The following ZNF292 variants were observed in gnomAD, a reference collection of about 807,000 sequenced individuals.
The protein encoded by ZNF292 is zinc finger protein 292, also known as 16 zinc-finger domain protein.
Under a neutral mutation model 217.9 loss-of-function variants are expected in ZNF292, and 26 were observed. The observed-to-expected ratio is 0.12, with a 90% CI of 0.09 to 0.17. The LOEUF (loss-of-function observed/expected upper bound fraction) is 0.17. Ranked by LOEUF, ZNF292 falls within the 10% of genes least tolerant of loss-of-function variation. The pLI is 1.00. For synonymous variants in ZNF292, 1,257 were observed against 1,124.1 expected (o/e 1.12, Z -2.37); for missense variants, 2,904 against 3,175.2 (o/e 0.91, Z 2.05).
chr6:87,241,788 C>G (rs1291138187), intron 5 of ZNF292, among the ~76,000 whole-genome samples: 1 of 152,182 alleles, frequency 6.6e-6, no homozygotes, highest in South Asian at 2.1e-4. Context: ...CTAGCACATT[C>G]ATACAGGTGG....
intron 7 of ZNF292, among the ~76,000 whole-genome samples, chr6:87,247,355 T>G (rs1409109563): frequency 1.3e-5 from 2 of 151,876 alleles, no homozygotes; most frequent in Non-Finnish European, 2.9e-5. Context: ...TACTTTAATT[T>G]TATTGAAAAG....
In ZNF292 at chr6:87,155,609, C is replaced by G. The variant is rs754500506; in HGVS notation, c.18C>G (p.Ala6=). The change falls in exon 1 of 8, where the codon GCC becomes GCG. Residue 6 remains alanine (A), a synonymous_variant. Coordinates refer to ENST00000369577, the MANE Select transcript of ZNF292 (RefSeq NM_015021.3). MADEE[A]EQERLSCGEG... is the part of the protein sequence containing the mutation. ...GTGTGAAGATGGCGGACGAAGAGGCCGAGCAGGAGAGGTTGAGTTGCGGCG... is the reference window on the plus strand; with the variant it reads ...GTGTGAAGATGGCGGACGAAGAGGCGGAGCAGGAGAGGTTGAGTTGCGGCG... 4 of 1,581,564 alleles carry G rather than the reference C, an allele frequency of 2.5e-6. No homozygotes were observed. The highest frequency in any genetic ancestry group is 3.4e-6 in the Non-Finnish European group (4 of 1,164,908).
At chr6:87,181,216 C>T (rs1468814001) in intron 1 of ZNF292, among the ~76,000 whole-genome samples, 4 of 152,092 alleles carry the variant, frequency 2.6e-5, no homozygotes, top group Non-Finnish European at 4.4e-5. Context: ...CCGGATCACA[C>T]GCAGGCTCGA....
intron 1 of ZNF292, among the ~76,000 whole-genome samples, chr6:87,205,271 G>A (rs6914193): frequency 0.63 from 95,761 of 151,840 alleles, 31,778 homozygotes; most frequent in African/African-American, 0.85. Context: ...ATGAGGTCTT[G>A]CTATGTTGCT....
chr6:87,180,988 A>G (rs1243474892), intron 1 of ZNF292, among the ~76,000 whole-genome samples: 1 of 152,160 alleles, frequency 6.6e-6, no homozygotes, highest in Non-Finnish European at 1.5e-5. Context: ...GCATGCAGAC[A>G]GGTAGGTGCA....
At chr6:87,181,577 G>A (rs73751992) in intron 1 of ZNF292, among the ~76,000 whole-genome samples, 12,408 of 152,202 alleles carry the variant, frequency 0.082, 857 homozygotes, top group African/African-American at 0.19. Flanking sequence ...AGACTTGAGT[G>A]TGGGGCATTT....
Position 87,259,660 on chromosome 6 carries a change from A to G in ZNF292, c.6031A>G (p.Met2011Val), listed in dbSNP as rs535741015. 59 of 1,588,902 alleles carry G rather than the reference A, an allele frequency of 3.7e-5. No individual in the cohort carries two copies. Among genetic ancestry groups the G allele is most frequent in the Non-Finnish European group, 5.0e-5 (58 of 1,167,048 alleles). ...TACACAAGTGAAAAAACAGCTAGCT[A>G]TGACAGAGGAAAATAAAAAGGAATC... ...RSTQVKKQLA[M>V]TEENKKESQP... The change falls in exon 8 of 8, where the codon ATG (methionine) becomes GTG (valine). Residue 2011 changes from methionine to valine, a missense_variant. Physicochemically the swap from Met to Val is conservative, Grantham distance 21. Transcript: ENST00000369577.
chr6:87,259,726 C>A lies in ZNF292; in HGVS notation c.6097C>A (p.His2033Asn). ...ATTGAGAGCAGAGACCCAAAATACC[C>A]ACAGTAATGTAGCAGTGATCCCAGA... ...LELRAETQNTHSNVAVIPEKQ... is the reference protein window; with the variant it reads ...LELRAETQNTNSNVAVIPEKQ... Residue 2033 changes from histidine to asparagine, a missense_variant, in exon 8 of 8, where the codon CAC (histidine) becomes AAC (asparagine). Transcript: ENST00000369577. The A allele has an allele frequency of 1.9e-6, 3 of 1,603,574 alleles. No individual in the cohort carries two copies. Among genetic ancestry groups the A allele is most frequent in the Non-Finnish European group, 2.6e-6 (3 of 1,174,890 alleles).
chr6:87,162,187 G>C (rs1770774767), intron 1 of ZNF292, among the ~76,000 whole-genome samples: 1 of 152,148 alleles, frequency 6.6e-6, no homozygotes, highest in African/African-American at 2.4e-5. Context: ...ATTTGAGCTA[G>C]TCTTCATTAC....
At chr6:87,199,306 A>G (rs527553340) in intron 1 of ZNF292, among the ~76,000 whole-genome samples, 3 of 152,324 alleles carry the variant, frequency 2.0e-5, no homozygotes, top group African/African-American at 7.2e-5. Flanking sequence ...TGAACTGTCC[A>G]TTTAAATCTT....
At chr6:87,181,634 C>G (rs1156587845) in intron 1 of ZNF292, among the ~76,000 whole-genome samples, 5 of 152,050 alleles carry the variant, frequency 3.3e-5, no homozygotes, top group African/African-American at 1.2e-4. Context: ...GTCTTCTGTT[C>G]ATGTGTATAT....
intron 1 of ZNF292, among the ~76,000 whole-genome samples, chr6:87,156,883 A>G (rs1054030657): frequency 6.6e-6 from 1 of 152,238 alleles, no homozygotes; most frequent in East Asian, 1.9e-4. Context: ...GCTCTGGTGA[A>G]GACTTTGATT....
chr6:87,233,793 A>T (rs1212103818), intron 5 of ZNF292: 2 of 384,604 alleles, frequency 5.2e-6, no homozygotes, highest in Non-Finnish European at 7.1e-6. Flanking sequence ...GTGGCTTAAC[A>T]GTTTAGTAAA....
Position 87,203,603 on chromosome 6 carries a change from G to C in ZNF292, c.169-12300G>C, listed in dbSNP as rs147676700. On this transcript the variant is annotated intron_variant, in intron 1 of 7. Coordinates refer to ENST00000369577, the MANE Select transcript of ZNF292 (RefSeq NM_015021.3). The stretch of plus-strand genomic sequence containing the variant: ...AGCAAGGTATGTATCTGCAAGGGGG[G>C]GTGGGGTGCTGCAATGGCCCAGAGT... Among the ~76,000 whole-genome samples the C allele has an allele frequency of 4.8e-3, 724 of 151,996 alleles. 1 individual carries two copies. The highest frequency in any genetic ancestry group is 0.034 in the Middle Eastern group (10 of 294).
chr6:87,233,610 T>G, intron 5 of ZNF292, 83 bp downstream of exon 5: 1 of 1,535,580 alleles, frequency 6.5e-7, no homozygotes, highest in Non-Finnish European at 8.7e-7. Context: ...TTTCCTTTTC[T>G]CTTAGATAGC....
Position 87,262,702 on chromosome 6 carries a change from G to A in ZNF292, c.*901G>A, listed in dbSNP as rs1335223831. The A allele has an allele frequency of 1.3e-5, 2 of 151,886 alleles. No individual in the cohort carries two copies. The highest frequency in any genetic ancestry group is 2.1e-4 in the South Asian group (1 of 4,828). 9.4% of individuals were successfully genotyped at this position (151,886 alleles called of 1,614,324 possible). A position where few individuals can be genotyped will look rare whatever the true frequency, so the allele number is the denominator to read the frequency against. On this transcript the variant is annotated 3_prime_UTR_variant, in exon 8 of 8. Transcript: ENST00000369577. The stretch of plus-strand genomic sequence containing the variant: ...ATTTGAGGTGGTGATTTGTGAAGTA[G>A]CCCAGTATTGCCTTAAATAAAATCA...
At chr6:87,181,395 C>T (rs1288024666) in intron 1 of ZNF292, among the ~76,000 whole-genome samples, 1 of 152,134 alleles carries the variant, frequency 6.6e-6, no homozygotes, top group Admixed American at 6.6e-5. Context: ...GCCATGCCAC[C>T]CTGCTGCTCT....
Position 87,256,834 on chromosome 6 carries a change from G to A in ZNF292, c.3205G>A (p.Glu1069Lys). The part of the protein sequence containing the change: ...NLYNLPLKTL[E>K]SIAFVPPQSD... ...TTATAATTTACCTCTTAAGACATTA[G>A]AAAGTATTGCATTTGTTCCACCGCA... The change falls in exon 8 of 8, where the codon GAA becomes AAA. Residue 1069 changes from glutamate to lysine, a missense_variant. Glu to Lys is a moderately conservative substitution (Grantham distance 56). This residue lies in a region of ZNF292 where 687 missense variants were observed against 623.0 expected (regional missense o/e 1.10). Coordinates refer to ENST00000369577, the MANE Select transcript of ZNF292 (RefSeq NM_015021.3). 6.2e-7 allele frequency: 1 copy of A among 1,613,670 alleles called. No individual in the cohort carries two copies. Among genetic ancestry groups the A allele is most frequent in the South Asian group, 1.1e-5 (1 of 91,072 alleles).
chr6:87,169,627 G>A (rs529752975), intron 1 of ZNF292: 4 of 393,244 alleles, frequency 1.0e-5, no homozygotes, highest in South Asian at 3.5e-5. Flanking sequence ...TAAAAGATGA[G>A]CCATTAGCAT....
Sources: allele counts gnomAD v4.1 joint callset (sites outside exome capture counted in the v4.1 genomes callset), GRCh38; gene constraint gnomAD v4.1.1; regional missense constraint gnomAD v4.1.1; transcripts MANE v1.5; gene names NCBI Gene and HGNC (gene_info 2026-07-23, HGNC 2026-07-21).